Variants in LPIN1 observed in about 807,000 individuals in gnomAD.
LPIN1 encodes the protein lipin 1.
A neutral mutation model predicts 107.5 loss-of-function variants in LPIN1; 71 were observed. The ratio of observed to expected loss-of-function variants is 0.66; its 90% CI spans 0.55 to 0.80. The LOEUF (loss-of-function observed/expected upper bound fraction) is 0.80, where lower values mean the gene tolerates loss of function less well. Among genes scored for constraint, LPIN1 ranks in the 30% least tolerant of loss-of-function variants. The pLI is 0.00. For synonymous variants in LPIN1, 445 were observed against 452.6 expected (o/e 0.98, Z 0.21); for missense variants, 1,043 against 1,160.6 (o/e 0.90, Z 1.47).
intron 17 of LPIN1, among the ~76,000 whole-genome samples, chr2:11,810,909 G>A (rs149932777): frequency 6.6e-6 from 1 of 152,284 alleles, no homozygotes; most frequent in African/African-American, 2.4e-5. Flanking sequence ...AGATTAGGCA[G>A]AGGAGAAAAC....
chr2:11,744,380 G>A (rs11884138), upstream of LPIN1, among the ~76,000 whole-genome samples: 6,113 of 152,268 alleles, frequency 0.04, 437 homozygotes, highest in African/African-American at 0.14. Flanking sequence ...TTCGTTTATC[G>A]CCTGGGAGTG....
chr2:11,816,231 A>G (rs981432917), intron 18 of LPIN1: 2 of 152,228 alleles, frequency 1.3e-5, no homozygotes, highest in Non-Finnish European at 1.5e-5. Flanking sequence ...GTAGTAAAAG[A>G]TGTCAAATTG....
chr2:11,715,293 G>A (rs1302281425), intron 2 of LPIN1, among the ~76,000 whole-genome samples: 2 of 152,190 alleles, frequency 1.3e-5, no homozygotes, highest in African/African-American at 2.4e-5. Context: ...CAGGACACAC[G>A]AGAGGCAGGT....
In LPIN1 at chr2:11,767,995, T is replaced by C. The variant is rs142458218; in HGVS notation, c.288+137T>C. 2.1e-4 allele frequency: 152 copies of C among 711,616 alleles called. No homozygotes were observed. The African/African-American group carries it at 2.3e-3, about 11-fold the overall frequency. 44.1% of individuals were successfully genotyped at this position (711,616 alleles called of 1,614,324 possible). ...ACGATGGGGCAGAGAAAAGTGGGCGTTGATCTGTGTGGGGGATTTGAGCCA... is the reference window on the plus strand; with the variant it reads ...ACGATGGGGCAGAGAAAAGTGGGCGCTGATCTGTGTGGGGGATTTGAGCCA... On this transcript the variant is annotated intron_variant, in intron 3 of 20. Transcript: ENST00000674199.
rs1169059533 is a variant in LPIN1 at position 11,711,720 on chromosome 2, C to T, written c.82-2036C>T. Among the ~76,000 whole-genome samples the T allele has an allele frequency of 3.3e-5, 5 of 152,210 alleles. 1 individual carries two copies. Among genetic ancestry groups the T allele is most frequent in the African/African-American group, 4.8e-5 (2 of 41,446 alleles). The stretch of plus-strand genomic sequence containing the variant: ...AGAGCTCATCTTCCTCTTTGTCCCA[C>T]TGTCATCACCTTGGTCCATATCCCA... On this transcript the variant is annotated intron_variant, in intron 1 of 21. Transcript: ENST00000449576.
chr2:11,813,256 T>C (rs1679993222), intron 17 of LPIN1, among the ~76,000 whole-genome samples: 2 of 152,212 alleles, frequency 1.3e-5, no homozygotes, highest in South Asian at 4.1e-4. Flanking sequence ...GAGATATCAG[T>C]GTATAGATAG....
At chr2:11,709,770 G>T (rs1253081748) in intron 1 of LPIN1, among the ~76,000 whole-genome samples, 1 of 152,192 alleles carries the variant, frequency 6.6e-6, no homozygotes, top group Non-Finnish European at 1.5e-5. Context: ...TGATAATCTG[G>T]AAACATTACT....
chr2:11,725,522 C>G (rs984106082), intron 1 of LPIN1, among the ~76,000 whole-genome samples: 1 of 152,160 alleles, frequency 6.6e-6, no homozygotes, highest in Non-Finnish European at 1.5e-5. Context: ...TCTCTGGGCC[C>G]CCTAACCCTT....
chr2:11,709,211 C>T (rs888205860), intron 1 of LPIN1, among the ~76,000 whole-genome samples: 4 of 152,208 alleles, frequency 2.6e-5, no homozygotes, highest in Admixed American at 6.5e-5. Flanking sequence ...TATCCTCTTC[C>T]TTTATCTCAA....
At chr2:11,814,760 A>G (rs952159288) in intron 17 of LPIN1, among the ~76,000 whole-genome samples, 1 of 152,116 alleles carries the variant, frequency 6.6e-6, no homozygotes, top group African/African-American at 2.4e-5. Flanking sequence ...GGGGAGTACA[A>G]GGGGCTCAAG....
intron 20 of LPIN1, among the ~76,000 whole-genome samples, chr2:11,822,277 CAAAAAAA>C (rs751514674): frequency 3.8e-5 from 3 of 78,878 alleles, no homozygotes; most frequent in Non-Finnish European, 7.5e-5. Context: ...CTAGAAATGC[CAAAAAAA>C]AAAAAAAAAA....
At chr2:11,806,958 C>T (rs1572946532) in intron 17 of LPIN1, among the ~76,000 whole-genome samples, 1 of 152,090 alleles carries the variant, frequency 6.6e-6, no homozygotes, top group Admixed American at 6.6e-5. Context: ...CTTTTTGCTA[C>T]TGGGCAGAAT....
intron 12 of LPIN1, among the ~76,000 whole-genome samples, chr2:11,789,356 CGT>C (rs1288952030): frequency 9.2e-5 from 14 of 151,418 alleles, no homozygotes; most frequent in Admixed American, 9.2e-4. Context: ...CATTTGCATG[CGT>C]GTGTGTGCGC....
intron 2 of LPIN1, chr2:11,741,506 C>A: frequency 8.5e-7 from 1 of 1,172,196 alleles, no homozygotes; most frequent in Non-Finnish European, 1.2e-6. Context: ...TTGGCAACTG[C>A]AAGGAAAAGA....
intron 2 of LPIN1, among the ~76,000 whole-genome samples, chr2:11,714,027 A>G (rs1172698234): frequency 1.3e-5 from 2 of 152,220 alleles, no homozygotes; most frequent in East Asian, 3.9e-4. Flanking sequence ...GCTGGTTTCT[A>G]ATCTCTTCTT....
rs1682195819 is a variant in LPIN1, at chr2:11,825,073, G to A, written c.*282G>A. 4.3e-6 allele frequency: 2 copies of A among 464,382 alleles called. No homozygotes were observed. The highest frequency in any genetic ancestry group is 4.0e-6 in the Non-Finnish European group (1 of 251,622). The allele number at this position is 464,382 out of a possible 1,614,324, so 28.8% of individuals were successfully genotyped here. On this transcript the variant is annotated 3_prime_UTR_variant, in exon 21 of 21. Transcript: ENST00000674199. This position sits in a 1 kb window ranked among gnomAD's most constrained non-coding sequence, Gnocchi z 4.1. Reference sequence around the variant, plus strand: ...ATGCCAGTTACGACGCTGCCTTTCCGGCCTGCTCCAGCAAGTAGCTACTGG... The same window carrying A: ...ATGCCAGTTACGACGCTGCCTTTCCAGCCTGCTCCAGCAAGTAGCTACTGG...
intron 17 of LPIN1, among the ~76,000 whole-genome samples, chr2:11,807,512 A>AT (rs557625077): frequency 0.14 from 19,532 of 140,602 alleles, 1,690 homozygotes; most frequent in Middle Eastern, 0.22. Flanking sequence ...TTGCTTTTTA[A>AT]TTTTTTTTTT....
intron 17 of LPIN1, among the ~76,000 whole-genome samples, chr2:11,807,748 C>T (rs547243333): frequency 9.2e-5 from 14 of 152,218 alleles, no homozygotes; most frequent in East Asian, 3.9e-4. Flanking sequence ...GTGTTGTCCG[C>T]GCACCCAGTC....
intron 1 of LPIN1, among the ~76,000 whole-genome samples, chr2:11,683,709 C>T (rs1218786820): frequency 6.6e-6 from 1 of 152,162 alleles, no homozygotes; most frequent in Non-Finnish European, 1.5e-5. Flanking sequence ...CAGATTTGCC[C>T]TGCCCTGCCC....
Sources: gnomAD v4.1 joint callset for allele counts (sites outside exome capture counted in the v4.1 genomes callset) on GRCh38, gnomAD v4.1.1 for gene constraint, Gnocchi (gnomAD v3.1) non-coding constraint, MANE v1.5 for transcripts, NCBI Gene and HGNC (gene_info 2026-07-23, HGNC 2026-07-21) for gene names.